Variants in KRT71 observed in about 807,000 individuals in gnomAD.
The protein encoded by KRT71 is keratin, type II cytoskeletal 71.
A neutral mutation model predicts 46.2 loss-of-function variants in KRT71; 42 were observed. The ratio of observed to expected loss-of-function variants is 0.91; its 90% CI spans 0.71 to 1.18. The LOEUF (loss-of-function observed/expected upper bound fraction) is 1.18. Among genes scored for constraint, KRT71 ranks in the 50% most tolerant of loss-of-function variants. The pLI is 0.00. For synonymous variants in KRT71, 292 were observed against 277.8 expected, an observed-to-expected ratio of 1.05 and a Z score of -0.51; for missense variants, 708 against 677.9, an observed-to-expected ratio of 1.04 and a Z score of -0.49.
At position 52,552,889 on chromosome 12, in the gene KRT71, G is replaced by T. The variant is rs750271411; in HGVS notation, c.189C>A (p.Ser63Arg). Reference sequence around the variant, plus strand: ...CAAATCCATAGCCTCCACTCTTCCCGCTGCCACTGGCCACATTGAGGCTCC... The same window carrying T: ...CAAATCCATAGCCTCCACTCTTCCCTCTGCCACTGGCCACATTGAGGCTCC... ...GVRSLNVASG[S>R]GKSGGYGFGR... The change falls in exon 1 of 9, where the codon AGC becomes AGA. Residue 63 changes from serine (S) to arginine (R), a missense_variant. Transcript: ENST00000267119. The T allele has an allele frequency of 6.2e-7, 1 of 1,614,134 alleles. No individual in the cohort carries two copies. Among genetic ancestry groups the T allele is most frequent in the Non-Finnish European group, 8.5e-7 (1 of 1,180,046 alleles).
chr12:52,545,610 G>A lies in KRT71; in HGVS notation c.1326-11C>T, dbSNP rs1197678957. 3 of 1,483,164 alleles carry A rather than the reference G, an allele frequency of 2.0e-6. No homozygotes were observed. The highest frequency in any genetic ancestry group is 2.3e-5 in the South Asian group (2 of 86,794). 91.9% of individuals were successfully genotyped at this position (1,483,164 alleles called of 1,614,324 possible). ...AATTCTCCTGACATCCTATTAAGGA[G>A]AGAAATAAAATAAGAGGAGAAGAGA... On this transcript the variant is annotated splice_polypyrimidine_tract_variant and intron_variant, in intron 7 of 8. Transcript: ENST00000267119.
chr12:52,548,083 G>A (rs1939088878), intron 5 of KRT71, 69 bp downstream of exon 5: 2 of 1,600,132 alleles, frequency 1.2e-6, no homozygotes, highest in Non-Finnish European at 1.7e-6. Flanking sequence ...CTTCTATTCT[G>A]GGCACGATCT....
rs571211669 is a variant in KRT71, at chr12:52,549,543, G to C, written c.657-190C>G. 2.0e-5 allele frequency among the ~76,000 whole-genome samples: 3 copies of C among 152,316 alleles called. No homozygotes were observed. The South Asian group carries it at 6.2e-4, about 32-fold the overall frequency. ...CATGCTAACCAGTTTGGAAGAATGA[G>C]ACTGTTAAAGATCCAGCTTGGCAAA... is the stretch of plus-strand genomic sequence containing the variant. On this transcript the variant is annotated intron_variant, in intron 2 of 8. Transcript: ENST00000267119.
At chr12:52,552,232 C>G (rs1031745425) in intron 1 of KRT71, among the ~76,000 whole-genome samples, 5 of 152,234 alleles carry the variant, frequency 3.3e-5, no homozygotes, top group Non-Finnish European at 7.3e-5. Context: ...TCCTGCTGCT[C>G]CTGATCCGCT....
intron 1 of KRT71, among the ~76,000 whole-genome samples, chr12:52,551,700 C>CAA (rs1440096925): frequency 6.6e-6 from 1 of 152,194 alleles, no homozygotes; most frequent in African/African-American, 2.4e-5. Flanking sequence ...GGTCTGGAGG[C>CAA]AAAAGGCTGA....
chr12:52,550,463 G>A (rs1440119536), intron 1 of KRT71, among the ~76,000 whole-genome samples: 3 of 152,192 alleles, frequency 2.0e-5, no homozygotes, highest in South Asian at 2.1e-4. Context: ...GCCCGGAACT[G>A]AATCTAGACA....
At position 52,553,127 on chromosome 12, in the gene KRT71, C is replaced by T; in HGVS notation, c.-50G>A. 6.6e-7 allele frequency: 1 copy of T among 1,524,190 alleles called. No individual in the cohort carries two copies. The highest frequency in any genetic ancestry group is 8.8e-7 in the Non-Finnish European group (1 of 1,134,674). 94.4% of individuals were successfully genotyped at this position (1,524,190 alleles called of 1,614,324 possible). ...ATGCAGGAGGGAGGAAGGCAAAATC[C>T]CAAAAGGTTCTGCTGGTTGTAGTGA... On this transcript the variant is annotated 5_prime_UTR_variant, in exon 1 of 9. Transcript: ENST00000267119.
At chr12:52,549,878 T>A (rs1279554432) in intron 2 of KRT71, 151 bp downstream of exon 2, 6 of 853,252 alleles carry the variant, frequency 7.0e-6, no homozygotes, top group Non-Finnish European at 1.1e-5. Flanking sequence ...AGAGAGCAAG[T>A]TCCAGAGTTT....
chr12:52,549,412 G>T, intron 2 of KRT71, 59 bp from the exon 3 acceptor site: 2 of 1,405,144 alleles, frequency 1.4e-6, no homozygotes, highest in Non-Finnish European at 2.0e-6. Flanking sequence ...TGCTTTCACA[G>T]GGCAGCGTTG....
chr12:52,547,465 GT>G (rs753184082), intron 6 of KRT71, among the ~76,000 whole-genome samples: 3 of 152,192 alleles, frequency 2.0e-5, no homozygotes, highest in Non-Finnish European at 2.9e-5. Context: ...CTGCAACTAT[GT>G]GCCAGGCACT....
At chr12:52,550,408 C>T (rs1188967691) in intron 1 of KRT71, among the ~76,000 whole-genome samples, 165 bp from the exon 2 acceptor site, 1 of 152,208 alleles carries the variant, frequency 6.6e-6, no homozygotes, top group Non-Finnish European at 1.5e-5. Flanking sequence ...AGACACAGAG[C>T]AACTTCGGCT....
intron 7 of KRT71, among the ~76,000 whole-genome samples, chr12:52,545,858 C>G (rs202020376): frequency 4.6e-5 from 7 of 152,144 alleles, no homozygotes. Context: ...CTACCTCCCA[C>G]GTGTCAGGTC....
chr12:52,547,726 G>T, intron 6 of KRT71, 131 bp downstream of exon 6: 1 of 1,146,262 alleles, frequency 8.7e-7, no homozygotes, highest in Non-Finnish European at 1.2e-6. Context: ...AGGTGTTTGA[G>T]GCAGCGACCT....
chr12:52,548,009 G>A (rs2120567272), intron 5 of KRT71, 27 bp from the exon 6 acceptor site: 1 of 1,612,926 alleles, frequency 6.2e-7, no homozygotes, highest in East Asian at 2.2e-5. Flanking sequence ...ACAGAGTCAT[G>A]AGTGTGTCGT....
At chr12:52,549,061 T>G (rs1939113300) in intron 3 of KRT71, among the ~76,000 whole-genome samples, 1 of 152,214 alleles carries the variant, frequency 6.6e-6, no homozygotes, top group South Asian at 2.1e-4. Flanking sequence ...TGTATTCTTC[T>G]CCGTGTTCAA....
rs1413067487 is a variant in KRT71, at chr12:52,548,285, T to A, written c.845A>T (p.Asp282Val). 5.6e-6 allele frequency: 9 copies of A among 1,613,808 alleles called. No individual in the cohort carries two copies. Among genetic ancestry groups the A allele is most frequent in the Non-Finnish European group, 7.6e-6 (9 of 1,179,786 alleles). Residue 282 changes from aspartate (D) to valine (V), a missense_variant, in exon 5 of 9, where the codon GAC becomes GTC. By Grantham distance (152) the Asp-to-Val change is radical. Transcript: ENST00000267119. ...EITQIQSHIS[D>V]MSVILSMDNN... The stretch of plus-strand genomic sequence containing the variant: ...GTCCATGGACAGGATGACAGACATG[T>A]CACTGATGTGGGACTGGATCTGAGT...
intron 3 of KRT71, 35 bp downstream of exon 3, chr12:52,549,258 C>A: frequency 6.4e-7 from 1 of 1,563,010 alleles, no homozygotes; most frequent in South Asian, 1.1e-5. Context: ...GGTCCCAGGC[C>A]AGCCCCCGGG....
rs780977717 is a variant in KRT71, at chr12:52,550,057, G to A, written c.628C>T (p.Arg210Trp). 10 of 1,613,948 alleles carry A rather than the reference G, an allele frequency of 6.2e-6. No homozygotes were observed. Among genetic ancestry groups the A allele is most frequent in the East Asian group, 2.2e-5 (1 of 44,884 alleles). Residue 210 changes from arginine (R) to tryptophan (W), a missense_variant, in exon 2 of 9, where the codon CGG (arginine) becomes TGG (tryptophan). Coordinates refer to ENST00000267119, the MANE Select transcript of KRT71 (RefSeq NM_033448.3). ...TTCTTGTAGTCCTCCACTACGTCCCGCACATTCCTCAGCTCCGAGTCCAGC... is the reference window on the plus strand; with the variant it reads ...TTCTTGTAGTCCTCCACTACGTCCCACACATTCCTCAGCTCCGAGTCCAGC... ...VRLDSELRNV[R>W]DVVEDYKKRY...
Position 52,546,486 on chromosome 12 carries a change from G to A in KRT71, c.1125C>T (p.Ala375=). Residue 375 remains alanine, a synonymous_variant, in exon 7 of 9, where the codon GCC becomes GCT. Coordinates refer to ENST00000267119, the MANE Select transcript of KRT71 (RefSeq NM_033448.3). ...CTCCCCGCTGCTCAGCATCAGCGAT[G>A]GCTGTCTCCAGGTTGGAAGCCTAAG... ...VKKQASNLET[A]IADAEQRGDN... 4 of 1,614,074 alleles carry A rather than the reference G, an allele frequency of 2.5e-6. No homozygotes were observed. Among genetic ancestry groups the A allele is most frequent in the Non-Finnish European group, 3.4e-6 (4 of 1,180,004 alleles).
Sources: gnomAD v4.1 joint callset for allele counts (sites outside exome capture counted in the v4.1 genomes callset) on GRCh38, gnomAD v4.1.1 for gene constraint, MANE v1.5 for transcripts, NCBI Gene and HGNC (gene_info 2026-07-23, HGNC 2026-07-21) for gene names.